SLCO4C1: variants seen among roughly 807,000 people sequenced by gnomAD.
The protein encoded by SLCO4C1 is organic anion transporter M1.
In SLCO4C1, 58 loss-of-function variants were observed where a neutral mutation model predicts 72.1. The observed-to-expected ratio is 0.80, with a 90% CI of 0.65 to 1.00. The LOEUF (loss-of-function observed/expected upper bound fraction) is 1.00. Among genes scored for constraint, SLCO4C1 ranks in the 50% least tolerant of loss-of-function variants. The pLI is 0.00. For synonymous variants in SLCO4C1, 297 were observed against 312.5 expected (o/e 0.95, Z 0.52); for missense variants, 898 against 857.9 (o/e 1.05, Z -0.58).
At chr5:102,237,095 GA>G in intron 12 of SLCO4C1, 77 bp from the exon 13 acceptor site, 1 of 1,345,408 alleles carries the variant, frequency 7.4e-7, no homozygotes, top group Non-Finnish European at 9.9e-7. Flanking sequence ...AAATCTTCAT[GA>G]ATAGAACATT....
chr5:102,241,300 G>A (rs1427107741), intron 10 of SLCO4C1, among the ~76,000 whole-genome samples: 2 of 152,032 alleles, frequency 1.3e-5, no homozygotes, highest in African/African-American at 4.8e-5. Context: ...TCCAAATTGG[G>A]AAGTAAAAGG....
intron 10 of SLCO4C1, among the ~76,000 whole-genome samples, chr5:102,244,765 A>G (rs1748607339): frequency 6.6e-6 from 1 of 152,078 alleles, no homozygotes; most frequent in Non-Finnish European, 1.5e-5. Flanking sequence ...AAGGAACAAA[A>G]CTCTTACCTT....
At chr5:102,281,145 T>C (rs982696938) in intron 2 of SLCO4C1, among the ~76,000 whole-genome samples, 3 of 152,118 alleles carry the variant, frequency 2.0e-5, no homozygotes, top group Non-Finnish European at 4.4e-5. Context: ...CCCAGAAATA[T>C]AGCTATACAA....
At chr5:102,259,748 A>G (rs1046193931) in intron 6 of SLCO4C1, among the ~76,000 whole-genome samples, 11 of 152,142 alleles carry the variant, frequency 7.2e-5, no homozygotes, top group Non-Finnish European at 1.6e-4. Context: ...AGAATTCTCA[A>G]ATATATTTAC....
Position 102,260,230 on chromosome 5 carries a change from A to T in SLCO4C1, c.1111T>A (p.Phe371Ile), listed in dbSNP as rs765815119. The change falls in exon 6 of 13, where the codon TTT becomes ATT. Residue 371 changes from phenylalanine to isoleucine, a missense_variant. Transcript: ENST00000310954. ...DVKFGKSIKD[F>I]PAALKNLMKN... The stretch of plus-strand genomic sequence containing the variant: ...TATTTTACCTTTAGAGCAGCTGGAA[A>T]ATCTTTAATACTTTTTCCAAATTTC... 7.2e-7 allele frequency: 1 copy of T among 1,381,770 alleles called. No homozygotes were observed. The highest frequency in any genetic ancestry group is 9.5e-7 in the Non-Finnish European group (1 of 1,054,460). 85.6% of individuals were successfully genotyped at this position (1,381,770 alleles called of 1,614,324 possible). A position where few individuals can be genotyped will look rare whatever the true frequency, so the allele number is the denominator to read the frequency against.
rs1561367772 is a variant in SLCO4C1 at position 102,249,726 on chromosome 5, T to A, written c.1532A>T (p.Tyr511Phe). Reference protein sequence around the residue: ...CNANCNCSRSYYYPVCGDGVQ... With the variant: ...CNANCNCSRSFYYPVCGDGVQ... ...TCCATCTCCACAGACAGGATAATAA[T>A]ATGATCGCGAACAGTTACAATTGGC... The change falls in exon 9 of 13, where the codon TAT (tyrosine) becomes TTT (phenylalanine). Residue 511 changes from tyrosine to phenylalanine, a missense_variant. Tyr to Phe is a conservative substitution (Grantham distance 22, BLOSUM62 3). Transcript: ENST00000310954. The A allele has an allele frequency of 6.2e-7, 1 of 1,613,880 alleles. No homozygotes were observed. The highest frequency in any genetic ancestry group is 1.3e-5 in the African/African-American group (1 of 74,906).
intron 1 of SLCO4C1, among the ~76,000 whole-genome samples, chr5:102,292,965 T>A (rs780945359): frequency 3.3e-5 from 5 of 152,004 alleles, no homozygotes; most frequent in Non-Finnish European, 7.4e-5. Context: ...TACTTAGGTA[T>A]GATAAATTGT....
intron 12 of SLCO4C1, among the ~76,000 whole-genome samples, chr5:102,238,644 GTTA>G (rs1290938312): frequency 2.0e-5 from 3 of 152,006 alleles, no homozygotes; most frequent in African/African-American, 7.2e-5. Flanking sequence ...AGTTTCCTAG[GTTA>G]TTATTCAAAT....
chr5:102,295,385 T>C (rs991387002), intron 1 of SLCO4C1, among the ~76,000 whole-genome samples: 11 of 152,188 alleles, frequency 7.2e-5, no homozygotes, highest in African/African-American at 2.7e-4. Context: ...TCAAACTAAA[T>C]ACACTCACAA....
rs1748401598 is a variant in SLCO4C1 at position 102,234,669 on chromosome 5, T to C, written c.*2189A>G. On this transcript the variant is annotated 3_prime_UTR_variant, in exon 13 of 13. Transcript: ENST00000310954. ...CTAGACTAATATATTTGTTCAGTTA[T>C]TCTGTTTTCTTCCTTACTGCCATTT... 1 of 152,196 alleles carries C rather than the reference T, an allele frequency of 6.6e-6. No homozygotes were observed. The highest frequency in any genetic ancestry group is 6.5e-5 in the Admixed American group (1 of 15,276). 9.4% of individuals were successfully genotyped at this position (152,196 alleles called of 1,614,324 possible).
At chr5:102,294,553 A>G (rs1175598193) in intron 1 of SLCO4C1, among the ~76,000 whole-genome samples, 2 of 152,254 alleles carry the variant, frequency 1.3e-5, no homozygotes, top group African/African-American at 4.8e-5. Context: ...ACAAGATAAG[A>G]CATTTTTTAC....
At chr5:102,258,239 T>C (rs1240850828) in intron 6 of SLCO4C1, 152 bp from the exon 7 acceptor site, 1 of 549,184 alleles carries the variant, frequency 1.8e-6, no homozygotes, top group Non-Finnish European at 3.0e-6. Flanking sequence ...CTATGGATAA[T>C]TAATAGAATT....
chr5:102,291,127 G>A (rs886099627), intron 2 of SLCO4C1, among the ~76,000 whole-genome samples: 2 of 152,172 alleles, frequency 1.3e-5, no homozygotes, highest in Non-Finnish European at 2.9e-5. Context: ...ATAAGAATTA[G>A]AGGCTTAAAA....
intron 2 of SLCO4C1, among the ~76,000 whole-genome samples, chr5:102,281,385 AG>A (rs1749353618): frequency 1.3e-5 from 2 of 152,134 alleles, no homozygotes; most frequent in Admixed American, 1.3e-4. Flanking sequence ...AGCTAGGCAA[AG>A]GGTTTTTAGT....
chr5:102,254,085 G>T (rs1453185479), intron 8 of SLCO4C1, among the ~76,000 whole-genome samples: 1 of 152,018 alleles, frequency 6.6e-6, no homozygotes, highest in Non-Finnish European at 1.5e-5. Flanking sequence ...ACCCATCTGT[G>T]CTTACCATGG....
rs935454371 is a variant in SLCO4C1, at chr5:102,249,557, A to G, written c.1620+81T>C. 4.1e-6 allele frequency: 6 copies of G among 1,460,446 alleles called. No homozygotes were observed. In the African/African-American group the frequency reaches 8.5e-5, roughly 21 times the overall value. 90.5% of individuals were successfully genotyped at this position (1,460,446 alleles called of 1,614,324 possible). A position where few individuals can be genotyped will look rare whatever the true frequency, so the allele number is the denominator to read the frequency against. Reference sequence around the variant, plus strand: ...ATGGAGCAGGAAGGCAAGAATAGGCATTGCATAACCCCATTAGAGAAGTCA... The same window carrying G: ...ATGGAGCAGGAAGGCAAGAATAGGCGTTGCATAACCCCATTAGAGAAGTCA... On this transcript the variant is annotated intron_variant, in intron 9 of 12. Transcript: ENST00000310954.
At chr5:102,294,400 G>T (rs1353359414) in intron 1 of SLCO4C1, among the ~76,000 whole-genome samples, 1 of 152,198 alleles carries the variant, frequency 6.6e-6, no homozygotes, top group African/African-American at 2.4e-5. Context: ...CCTCTGGGTA[G>T]ATGCTGCTCC....
At chr5:102,292,189 C>T (rs1228346430) in intron 1 of SLCO4C1, among the ~76,000 whole-genome samples, 2 of 152,116 alleles carry the variant, frequency 1.3e-5, no homozygotes, top group African/African-American at 2.4e-5. Flanking sequence ...ATGCTTGCTA[C>T]GTACTAAATT....
At chr5:102,257,392 A>C in intron 7 of SLCO4C1, 82 bp from the exon 8 acceptor site, 1 of 1,089,892 alleles carries the variant, frequency 9.2e-7, no homozygotes, top group Middle Eastern at 2.1e-4. Flanking sequence ...CATCAAAAAC[A>C]AGTGTCAATA....
Sources: gnomAD v4.1 joint callset for allele counts (sites outside exome capture counted in the v4.1 genomes callset) on GRCh38, gnomAD v4.1.1 for gene constraint, MANE v1.5 for transcripts, NCBI Gene and HGNC (gene_info 2026-07-23, HGNC 2026-07-21) for gene names.